Variants in RPS6KA2 observed in about 807,000 individuals in gnomAD.
RPS6KA2 encodes ribosomal protein S6 kinase A2, also known as ribosomal protein S6 kinase alpha-2.
A neutral mutation model predicts 91.8 loss-of-function variants in RPS6KA2; 42 were observed. The observed-to-expected ratio is 0.46, with a 90% CI of 0.36 to 0.59. RPS6KA2 has a LOEUF of 0.59. RPS6KA2 is among the 20% of genes least tolerant of loss of function. The pLI is 0.00. For synonymous variants in RPS6KA2, 414 were observed against 393.6 expected (o/e 1.05, Z -0.61); for missense variants, 798 against 978.5 (o/e 0.82, Z 2.46).
At chr6:166,416,754 C>G (rs574203938) in intron 19 of RPS6KA2, among the ~76,000 whole-genome samples, 1 of 151,934 alleles carries the variant, frequency 6.6e-6, no homozygotes, top group African/African-American at 2.4e-5. Flanking sequence ...CATCATCACT[C>G]CTGCCATTAT....
intron 2 of RPS6KA2, among the ~76,000 whole-genome samples, chr6:166,764,733 G>A (rs552009995): frequency 3.9e-5 from 6 of 152,326 alleles, no homozygotes; most frequent in South Asian, 2.1e-4. Flanking sequence ...CCCTGACAAC[G>A]GGAGGAAGAC....
chr6:166,410,937 A>G lies in RPS6KA2; in HGVS notation c.*1825T>C, dbSNP rs954439562. ...TCCACTTCTTCCTAAGTTTCTAAAA[A>G]GAAGTGAAATAATTAAGACCTAAAA... On this transcript the variant is annotated 3_prime_UTR_variant, in exon 21 of 21. Transcript: ENST00000265678. 3 of 152,178 alleles carry G rather than the reference A, an allele frequency of 2.0e-5. No individual in the cohort carries two copies. The highest frequency in any genetic ancestry group is 7.2e-5 in the African/African-American group (3 of 41,446). 9.4% of individuals were successfully genotyped at this position (152,178 alleles called of 1,614,324 possible).
intron 3 of RPS6KA2, among the ~76,000 whole-genome samples, chr6:166,524,909 C>T (rs1782972974): frequency 6.6e-6 from 1 of 152,190 alleles, no homozygotes; most frequent in South Asian, 2.1e-4. Flanking sequence ...AGGGATTCTC[C>T]ATGTTGGCAG....
At chr6:166,686,314 G>A (rs1293525672) in intron 2 of RPS6KA2, among the ~76,000 whole-genome samples, 6 of 152,160 alleles carry the variant, frequency 3.9e-5, no homozygotes, top group African/African-American at 9.7e-5. Context: ...CTCCTACTGT[G>A]GGACCCTCTG....
intron 3 of RPS6KA2, among the ~76,000 whole-genome samples, chr6:166,517,408 C>T (rs1225970394): frequency 6.6e-6 from 1 of 150,578 alleles, no homozygotes; most frequent in Non-Finnish European, 1.5e-5. Flanking sequence ...GCCTTGACAG[C>T]ATGGCCCACC....
Position 166,643,428 on chromosome 6 carries a change from TGTC to T in RPS6KA2, c.124-104647_124-104645del, listed in dbSNP as rs1278444376. ...AACTAATGAAAAGAAGTAACATTAA[TGTC>T]ATACATAGGATGCAACAAGCATTCA... is the stretch of plus-strand genomic sequence containing the variant. On this transcript the variant is annotated intron_variant, in intron 2 of 21. Transcript: ENST00000503859. Among the ~76,000 whole-genome samples, 3 of 152,214 alleles carry T rather than the reference TGTC, an allele frequency of 2.0e-5. No individual in the cohort carries two copies. The East Asian group carries it at 5.8e-4, about 29-fold the overall frequency.
Position 166,586,513 on chromosome 6 carries a change from C to CT in RPS6KA2, c.99+40407dup, listed in dbSNP as rs1785179247. The CT allele has an allele frequency of 5.1e-6, 8 of 1,576,056 alleles. 1 individual carries two copies. Among genetic ancestry groups the CT allele is most frequent in the Middle Eastern group, 2.3e-4 (1 of 4,370 alleles). On this transcript the variant is annotated intron_variant, in intron 1 of 20. Transcript: ENST00000265678. ...CCAAAGGTTTGAGGCAGCTGTATTG[C>CT]TTAATGTTTAGGTTGTTTAAATCCG...
At chr6:166,654,525 T>C (rs899878227) in intron 2 of RPS6KA2, among the ~76,000 whole-genome samples, 3 of 151,834 alleles carry the variant, frequency 2.0e-5, no homozygotes, top group African/African-American at 7.3e-5. Flanking sequence ...GCCTGAGAGA[T>C]TCAGTACACA....
At chr6:166,606,097 G>A (rs1200844715) in intron 1 of RPS6KA2, among the ~76,000 whole-genome samples, 2 of 152,174 alleles carry the variant, frequency 1.3e-5, no homozygotes, top group African/African-American at 2.4e-5. Flanking sequence ...GCTCTTTGAC[G>A]CTTTTATTAC....
chr6:166,617,265 T>G (rs564075675), intron 1 of RPS6KA2, among the ~76,000 whole-genome samples: 1 of 152,376 alleles, frequency 6.6e-6, no homozygotes, highest in Admixed American at 6.5e-5. Flanking sequence ...TTTTTCTATT[T>G]CTTAAAAATT....
intron 3 of RPS6KA2, among the ~76,000 whole-genome samples, chr6:166,514,925 A>C (rs532340635): frequency 3.3e-5 from 5 of 152,292 alleles, no homozygotes; most frequent in African/African-American, 1.2e-4. Context: ...GGCCACCTGC[A>C]TTCTCGGCCT....
At chr6:166,432,994 C>CAAAAAAAAA (rs397728789) in intron 14 of RPS6KA2, among the ~76,000 whole-genome samples, 5 of 82,760 alleles carry the variant, frequency 6.0e-5, no homozygotes, top group African/African-American at 2.1e-4. Context: ...GACTCTGTCT[C>CAAAAAAAAA]AAAAAAAAAA....
intron 2 of RPS6KA2, chr6:166,757,760 C>A (rs542740090): frequency 9.0e-6 from 3 of 333,108 alleles, no homozygotes; most frequent in East Asian, 1.9e-4. Context: ...ATTCCCAAGC[C>A]GGGAGTCCTG....
chr6:166,514,953 T>G (rs1239547283), intron 3 of RPS6KA2, among the ~76,000 whole-genome samples: 1 of 152,280 alleles, frequency 6.6e-6, no homozygotes, highest in South Asian at 2.1e-4. Context: ...GCTGGGGACA[T>G]GCAGGGCTCA....
chr6:166,781,523 G>A lies in RPS6KA2; in HGVS notation c.123+76677C>T, dbSNP rs933297654. Among the ~76,000 whole-genome samples, 13 of 152,284 alleles carry A rather than the reference G, an allele frequency of 8.5e-5. No individual in the cohort carries two copies. The South Asian group carries it at 2.7e-3, about 32-fold the overall frequency. Reference sequence around the variant, plus strand: ...GAACTACATGCACCCACCCAAGTCAGGCAGGTTCACCTGGTGGGGCTGACC... The same window carrying A: ...GAACTACATGCACCCACCCAAGTCAAGCAGGTTCACCTGGTGGGGCTGACC... On this transcript the variant is annotated intron_variant, in intron 2 of 21. Transcript: ENST00000503859.
Position 166,437,538 on chromosome 6 carries a change from C to T in RPS6KA2, c.1333-5048G>A, listed in dbSNP as rs531357978. On this transcript the variant is annotated intron_variant, in intron 14 of 20. Transcript: ENST00000265678. The surrounding 1 kb of genome is among the most constrained non-coding windows in gnomAD (Gnocchi z 4.3). ...GCTGGTTAGAAAGGACTCCTACAACCTCCAGAGAAGGGCATTCTCCAGGGG... is the reference window on the plus strand; with the variant it reads ...GCTGGTTAGAAAGGACTCCTACAACTTCCAGAGAAGGGCATTCTCCAGGGG... 6.6e-6 allele frequency among the ~76,000 whole-genome samples: 1 copy of T among 152,296 alleles called. No homozygotes were observed. Among genetic ancestry groups the T allele is most frequent in the Non-Finnish European group, 1.5e-5 (1 of 68,024 alleles).
chr6:166,754,413 G>A (rs368027034), intron 2 of RPS6KA2, among the ~76,000 whole-genome samples: 1 of 152,190 alleles, frequency 6.6e-6, no homozygotes, highest in Non-Finnish European at 1.5e-5. Context: ...GGCCTTTCAC[G>A]TGGCTTCCAG....
intron 2 of RPS6KA2, among the ~76,000 whole-genome samples, chr6:166,673,503 CT>C (rs1788538183): frequency 6.6e-6 from 1 of 152,164 alleles, no homozygotes; most frequent in Non-Finnish European, 1.5e-5. Flanking sequence ...CTGCACAGCC[CT>C]ACGGACTCCC....
intron 1 of RPS6KA2, among the ~76,000 whole-genome samples, chr6:166,573,032 G>C (rs1474611186): frequency 6.6e-6 from 1 of 152,240 alleles, no homozygotes; most frequent in African/African-American, 2.4e-5. Flanking sequence ...CCCACACCAT[G>C]AGGACAGTGT....
Sources: gnomAD v4.1 joint callset for allele counts (sites outside exome capture counted in the v4.1 genomes callset) on GRCh38, gnomAD v4.1.1 for gene constraint, Gnocchi (gnomAD v3.1) non-coding constraint, MANE v1.5 for transcripts, NCBI Gene and HGNC (gene_info 2026-07-23, HGNC 2026-07-21) for gene names.